The following INSC variants were observed in gnomAD, a reference collection of about 807,000 sequenced individuals.
INSC encodes the protein protein inscuteable homolog.
A neutral mutation model predicts 58.6 loss-of-function variants in INSC; 67 were observed. The ratio of observed to expected loss-of-function variants is 1.14; its 90% CI spans 0.94 to 1.40. INSC has a LOEUF of 1.40. Among genes scored for constraint, INSC ranks in the 40% most tolerant of loss-of-function variants. The pLI is 0.00. For synonymous variants in INSC, 262 were observed against 276.1 expected (o/e 0.95, Z 0.51); for missense variants, 714 against 692.0 (o/e 1.03, Z -0.36).
chr11:15,251,623 G>T (rs912012452), downstream of INSC, among the ~76,000 whole-genome samples: 6 of 152,162 alleles, frequency 3.9e-5, no homozygotes, highest in Non-Finnish European at 8.8e-5. Flanking sequence ...AGGAGGCATA[G>T]AAATGGTAAA....
At chr11:15,264,188 C>A in the INSC span, among the ~76,000 whole-genome samples, 1 of 96,264 alleles carries the variant, frequency 1.0e-5, no homozygotes, top group East Asian at 3.5e-4. Context: ...TGGCTGTCAG[C>A]GGGGGATAGC....
At chr11:15,156,212 C>A (rs1339448003) in intron 2 of INSC, among the ~76,000 whole-genome samples, 1 of 152,158 alleles carries the variant, frequency 6.6e-6, no homozygotes, top group Admixed American at 6.5e-5. Context: ...AACATGCACC[C>A]CAATTTTCCT....
At chr11:15,212,583 T>C (rs1185406684) in intron 7 of INSC, among the ~76,000 whole-genome samples, 2 of 152,380 alleles carry the variant, frequency 1.3e-5, no homozygotes, top group South Asian at 2.1e-4. Context: ...CTTGCACATC[T>C]TTTTTAGATT....
intron 2 of INSC, among the ~76,000 whole-genome samples, chr11:15,151,990 G>A (rs542549916): frequency 6.6e-6 from 1 of 152,300 alleles, no homozygotes; most frequent in Admixed American, 6.5e-5. Flanking sequence ...CCACAACAAA[G>A]TTGGCTTATG....
intron 1 of INSC, among the ~76,000 whole-genome samples, chr11:15,131,973 G>T (rs899986891): frequency 6.6e-6 from 1 of 152,142 alleles, no homozygotes; most frequent in Non-Finnish European, 1.5e-5. Flanking sequence ...ATTACACATT[G>T]ATATTCCCTT....
At chr11:15,147,198 A>G (rs1383222168) in intron 1 of INSC, among the ~76,000 whole-genome samples, 1 of 152,126 alleles carries the variant, frequency 6.6e-6, no homozygotes, top group East Asian at 1.9e-4. Flanking sequence ...CAAACGCCTC[A>G]TTTTATTGTT....
At chr11:15,227,675 G>A (rs199570540) in intron 9 of INSC, among the ~76,000 whole-genome samples, 1 of 152,152 alleles carries the variant, frequency 6.6e-6, no homozygotes, top group South Asian at 2.1e-4. Flanking sequence ...TGGCTTGATT[G>A]ACTCCTGAGG....
chr11:15,241,654 A>G (rs946445986), intron 12 of INSC: 2 of 702,826 alleles, frequency 2.8e-6, no homozygotes, highest in Non-Finnish European at 5.2e-6. Flanking sequence ...AGGTAATCTT[A>G]ATCTTTTTGT....
chr11:15,151,942 G>A (rs2133756827), intron 2 of INSC, among the ~76,000 whole-genome samples: 1 of 152,270 alleles, frequency 6.6e-6, no homozygotes, highest in African/African-American at 2.4e-5. Flanking sequence ...AAGAGTCAGG[G>A]TGGCAATACT....
At chr11:15,121,029 A>G (rs1263703235) in intron 1 of INSC, among the ~76,000 whole-genome samples, 3 of 147,956 alleles carry the variant, frequency 2.0e-5, no homozygotes. Flanking sequence ...GTATATTTTT[A>G]TAATATATTT....
Position 15,178,318 on chromosome 11 carries a change from C to T in INSC, c.456-6C>T. On this transcript the variant is annotated splice_region_variant and splice_polypyrimidine_tract_variant and intron_variant, in intron 4 of 12. Coordinates refer to ENST00000379556, the MANE Select transcript of INSC (RefSeq NM_001042536.3). ...AGTGGCCCACCCCATGGTTTCTTCTCTTCAGGTGCCTTCAGGTTGAGAATG... is the reference window on the plus strand; with the variant it reads ...AGTGGCCCACCCCATGGTTTCTTCTTTTCAGGTGCCTTCAGGTTGAGAATG... The T allele has an allele frequency of 6.2e-7, 1 of 1,613,894 alleles. No homozygotes were observed. The highest frequency in any genetic ancestry group is 1.3e-5 in the African/African-American group (1 of 75,054).
intron 7 of INSC, among the ~76,000 whole-genome samples, chr11:15,220,768 G>A (rs1193340925): frequency 2.2e-4 from 33 of 152,210 alleles, no homozygotes; most frequent in Admixed American, 2.2e-3. Context: ...GCCAAGAGCA[G>A]ATCTGACCCG....
At chr11:15,214,769 T>C (rs1053780749) in intron 7 of INSC, among the ~76,000 whole-genome samples, 1 of 152,180 alleles carries the variant, frequency 6.6e-6, no homozygotes, top group Admixed American at 6.5e-5. Context: ...TCTGCACCCA[T>C]GAATAGGTTA....
At chr11:15,217,441 A>G (rs894134524) in intron 7 of INSC, among the ~76,000 whole-genome samples, 1 of 152,160 alleles carries the variant, frequency 6.6e-6, no homozygotes, top group African/African-American at 2.4e-5. Context: ...TAAAGGATAG[A>G]GGCAGGATTC....
intron 7 of INSC, among the ~76,000 whole-genome samples, chr11:15,209,771 C>T (rs552877152): frequency 1.3e-5 from 2 of 151,972 alleles, no homozygotes; most frequent in Non-Finnish European, 2.9e-5. Context: ...AAATGATGTG[C>T]ACACCCACAT....
chr11:15,255,553 T>C, the INSC span, among the ~76,000 whole-genome samples: 1 of 152,248 alleles, frequency 6.6e-6, no homozygotes, highest in African/African-American at 2.4e-5. Context: ...GAACAAATGC[T>C]TTAACATGTC....
chr11:15,229,178 G>A (rs1291798063), intron 9 of INSC, among the ~76,000 whole-genome samples: 2 of 152,174 alleles, frequency 1.3e-5, no homozygotes, highest in Non-Finnish European at 2.9e-5. Context: ...TTTTTACTGA[G>A]TCTGACTTTT....
At chr11:15,199,282 AG>A (rs759550332) in intron 6 of INSC, among the ~76,000 whole-genome samples, 5 of 152,206 alleles carry the variant, frequency 3.3e-5, no homozygotes, top group Non-Finnish European at 5.9e-5. Flanking sequence ...ACCACCCCAA[AG>A]GAAGTAGAAT....
chr11:15,232,202 C>T (rs1022507377), intron 9 of INSC, among the ~76,000 whole-genome samples: 66 of 152,174 alleles, frequency 4.3e-4, no homozygotes, highest in African/African-American at 1.3e-3. Context: ...ACAGGCTCAC[C>T]TTTGGGAGGG....
Sources: gnomAD v4.1 joint callset for allele counts (sites outside exome capture counted in the v4.1 genomes callset) on GRCh38, gnomAD v4.1.1 for gene constraint, MANE v1.5 for transcripts, NCBI Gene and HGNC (gene_info 2026-07-23, HGNC 2026-07-21) for gene names.